LRRTM4: variants seen among roughly 807,000 people sequenced by gnomAD.
LRRTM4 encodes leucine rich repeat transmembrane neuronal 4, also known as leucine-rich repeat transmembrane neuronal protein 4.
In LRRTM4, 25 loss-of-function variants were observed where a neutral mutation model predicts 47.6. That is an observed-to-expected ratio of 0.53 (90% CI 0.38 to 0.73). LRRTM4 has a LOEUF of 0.73. Among genes scored for constraint, LRRTM4 ranks in the 30% least tolerant of loss-of-function variants. The pLI, the probability that LRRTM4 is intolerant of heterozygous loss-of-function variation, is 0.00. For missense variants in LRRTM4, 638 were observed against 713.4 expected, an observed-to-expected ratio of 0.89 and a Z score of 1.20; for synonymous variants, 311 against 269.5, an observed-to-expected ratio of 1.15 and a Z score of -1.51.
intron 3 of LRRTM4, among the ~76,000 whole-genome samples, chr2:77,288,508 T>C (rs1676725454): frequency 6.6e-6 from 1 of 151,954 alleles, no homozygotes; most frequent in Admixed American, 6.6e-5. Context: ...ATAATATTCA[T>C]AAACTATAAA....
intron 3 of LRRTM4, among the ~76,000 whole-genome samples, chr2:76,940,081 C>G (rs1675083814): frequency 6.6e-6 from 1 of 152,062 alleles, no homozygotes; most frequent in African/African-American, 2.4e-5. Context: ...AACAGTGTGT[C>G]CACTCCTCAA....
intron 3 of LRRTM4, among the ~76,000 whole-genome samples, chr2:77,468,371 A>T (rs1677060722): frequency 6.6e-6 from 1 of 152,212 alleles, no homozygotes; most frequent in African/African-American, 2.4e-5. Flanking sequence ...AGAATTTTAT[A>T]GAACATCATA....
chr2:76,837,517 A>G lies in LRRTM4; in HGVS notation c.1552-88601T>C, dbSNP rs1175075032. Reference sequence around the variant, plus strand: ...TTCCTGCTTTCTCTTGTGGGCATTTAGTGCTATAAATTTCCCTCTATACAC... The same window carrying G: ...TTCCTGCTTTCTCTTGTGGGCATTTGGTGCTATAAATTTCCCTCTATACAC... On this transcript the variant is annotated intron_variant, in intron 3 of 3. Transcript: ENST00000409884. Among the ~76,000 whole-genome samples the G allele has an allele frequency of 2.6e-5, 4 of 152,076 alleles. No individual in the cohort carries two copies. The South Asian group carries it at 8.3e-4, about 32-fold the overall frequency.
chr2:77,133,474 G>T (rs1210436467), intron 3 of LRRTM4, among the ~76,000 whole-genome samples: 1 of 152,014 alleles, frequency 6.6e-6, no homozygotes, highest in East Asian at 1.9e-4. Flanking sequence ...TAAAAAATAA[G>T]AATGAGTTAC....
intron 3 of LRRTM4, among the ~76,000 whole-genome samples, chr2:77,419,172 T>A (rs1312735018): frequency 2.2e-4 from 33 of 152,324 alleles, no homozygotes; most frequent in Middle Eastern, 3.4e-3. Flanking sequence ...TGGATTTATC[T>A]ATTTATTTTC....
intron 3 of LRRTM4, among the ~76,000 whole-genome samples, chr2:76,896,647 A>G (rs1441146347): frequency 6.6e-6 from 1 of 151,852 alleles, no homozygotes; most frequent in African/African-American, 2.4e-5. Context: ...TTAAAACTGT[A>G]GTCTTTTTAT....
intron 3 of LRRTM4, among the ~76,000 whole-genome samples, chr2:77,264,564 C>G (rs1199348210): frequency 6.6e-6 from 1 of 151,954 alleles, no homozygotes; most frequent in African/African-American, 2.4e-5. Context: ...TCCAAGACAA[C>G]TTAAAGAATT....
intron 3 of LRRTM4, among the ~76,000 whole-genome samples, chr2:77,369,792 T>C (rs61429383): frequency 6.6e-6 from 1 of 151,502 alleles, no homozygotes; most frequent in African/African-American, 2.4e-5. Context: ...TTACAGCCTC[T>C]TACTATACTG....
At chr2:76,963,844 A>G (rs1391582094) in intron 3 of LRRTM4, among the ~76,000 whole-genome samples, 1 of 150,684 alleles carries the variant, frequency 6.6e-6, no homozygotes, top group Non-Finnish European at 1.5e-5. Context: ...TTAAGGAAGT[A>G]TTTTTAGTAA....
intron 3 of LRRTM4, among the ~76,000 whole-genome samples, chr2:76,840,278 T>G (rs1338640285): frequency 6.6e-6 from 1 of 152,228 alleles, no homozygotes; most frequent in Admixed American, 6.5e-5. Context: ...AAATAGGTTC[T>G]GAAGGAAGTT....
intron 3 of LRRTM4, among the ~76,000 whole-genome samples, chr2:76,950,126 G>A (rs1328446489): frequency 6.6e-6 from 1 of 151,934 alleles, no homozygotes; most frequent in African/African-American, 2.4e-5. Context: ...AGGAAAAATA[G>A]TTAAGCAAGC....
Position 77,155,083 on chromosome 2 carries a change from A to G in LRRTM4, c.1551+363235T>C, listed in dbSNP as rs527302520. ...GCTATGTCAATTCACATCAGAGGTC[A>G]TTCTTAACTACTTGCTAAGTTTAAA... is the stretch of plus-strand genomic sequence containing the variant. On this transcript the variant is annotated intron_variant, in intron 3 of 3. Coordinates refer to ENST00000409884, the MANE Select transcript of LRRTM4 (RefSeq NM_001134745.3). Among the ~76,000 whole-genome samples the G allele has an allele frequency of 9.5e-4, 145 of 152,308 alleles. 1 individual carries two copies. Among genetic ancestry groups the G allele is most frequent in the African/African-American group, 3.5e-3 (145 of 41,582 alleles).
At chr2:77,045,244 CA>C (rs1287742668) in intron 3 of LRRTM4, among the ~76,000 whole-genome samples, 2 of 151,772 alleles carry the variant, frequency 1.3e-5, no homozygotes, top group African/African-American at 2.4e-5. Flanking sequence ...TCAAATCTCA[CA>C]AAAAAAGTAG....
Position 76,968,340 on chromosome 2 carries a change from G to GTATATATA in LRRTM4, c.1552-219432_1552-219425dup, listed in dbSNP as rs61103340. Among the ~76,000 whole-genome samples, 353 of 76,548 alleles carry GTATATATA rather than the reference G, an allele frequency of 4.6e-3. 3 individuals carry two copies. The highest frequency in any genetic ancestry group is 9.6e-3 in the Middle Eastern group (1 of 104). 50.2% of individuals were successfully genotyped at this position (76,548 alleles called of 152,430 possible). On this transcript the variant is annotated intron_variant, in intron 3 of 3. Coordinates refer to ENST00000409884, the MANE Select transcript of LRRTM4 (RefSeq NM_001134745.3). ...TGTAAATACAAAAGTGTGTATGTGT[G>GTATATATA]TATATATATATATATATATATATAT...
intron 3 of LRRTM4, among the ~76,000 whole-genome samples, chr2:76,889,198 G>A (rs1673174235): frequency 1.3e-5 from 2 of 151,834 alleles, no homozygotes; most frequent in African/African-American, 4.8e-5. Flanking sequence ...AAGGTTAATG[G>A]TGTTATCTTG....
At chr2:76,999,568 C>G (rs1262190599) in intron 3 of LRRTM4, among the ~76,000 whole-genome samples, 1 of 151,984 alleles carries the variant, frequency 6.6e-6, no homozygotes, top group African/African-American at 2.4e-5. Flanking sequence ...CAGAGATACT[C>G]CATTTTGAAT....
intron 3 of LRRTM4, among the ~76,000 whole-genome samples, chr2:77,508,616 C>T (rs150820326): frequency 9.9e-4 from 150 of 152,006 alleles, no homozygotes; most frequent in Middle Eastern, 3.4e-3. Context: ...TTTCATAGTA[C>T]GCAATCATAT....
intron 3 of LRRTM4, chr2:77,008,952 G>C (rs78155987): frequency 1.4e-5 from 2 of 144,878 alleles, no homozygotes; most frequent in South Asian, 4.4e-4. Flanking sequence ...AAAAAGAAAA[G>C]AAAAAAAAAA....
At chr2:76,798,570 A>G (rs1188226064) in intron 3 of LRRTM4, among the ~76,000 whole-genome samples, 3 of 150,922 alleles carry the variant, frequency 2.0e-5, no homozygotes, top group Admixed American at 6.6e-5. Context: ...CACATTCAAA[A>G]GCTAGCAGAA....
Sources: allele counts gnomAD v4.1 joint callset (sites outside exome capture counted in the v4.1 genomes callset), GRCh38; gene constraint gnomAD v4.1.1; transcripts MANE v1.5; gene names NCBI Gene and HGNC (gene_info 2026-07-23, HGNC 2026-07-21).